The following TSPOAP1 variants were observed in gnomAD, a reference collection of about 807,000 sequenced individuals.
TSPOAP1 encodes peripheral-type benzodiazepine receptor-associated protein 1.
Under a neutral mutation model 197.0 loss-of-function variants are expected in TSPOAP1, and 87 were observed. That is an observed-to-expected ratio of 0.44 (90% CI 0.37 to 0.53). TSPOAP1 has a LOEUF of 0.53. Among genes scored for constraint, TSPOAP1 ranks in the 20% least tolerant of loss-of-function variants. The pLI, the probability that TSPOAP1 is intolerant of heterozygous loss-of-function variation, is 0.00. For synonymous variants in TSPOAP1, 913 were observed against 998.9 expected (o/e 0.91, Z 1.62); for missense variants, 2,174 against 2,411.3 (o/e 0.90, Z 2.06).
chr17:58,315,982 G>T, intron 16 of TSPOAP1, 41 bp downstream of exon 16: 5 of 1,468,510 alleles, frequency 3.4e-6, no homozygotes, highest in Non-Finnish European at 4.8e-6. Context: ...TGGGCTCAAA[G>T]GCAGGGGAAT....
rs1971438575 is a variant in TSPOAP1 at position 58,322,694 on chromosome 17, C to T, written c.1277G>A (p.Gly426Asp). 5.0e-6 allele frequency: 8 copies of T among 1,612,124 alleles called. No individual in the cohort carries two copies. The highest frequency in any genetic ancestry group is 6.8e-6 in the Non-Finnish European group (8 of 1,179,940). ...ERDSALRKSQ[G>D]LQSKLESLEQ... ...CAGGCTCTCCAGCTTGCTCTGCAGG[C>T]CCTGGCTCTTGCGAAGGGCTGAGTC... The change falls in exon 9 of 32, where the codon GGC (glycine) becomes GAC (aspartate). Residue 426 changes from glycine to aspartate, a missense_variant. Gly to Asp is a moderately conservative substitution (Grantham distance 94). Coordinates refer to ENST00000343736, the MANE Select transcript of TSPOAP1 (RefSeq NM_004758.4). This position sits in a 1 kb window ranked among gnomAD's most constrained non-coding sequence, Gnocchi z 5.0.
chr17:58,312,098 T>G lies in TSPOAP1; in HGVS notation c.2723A>C (p.Asn908Thr), dbSNP rs758611824. Residue 908 changes from asparagine (N) to threonine (T), a missense_variant, in exon 17 of 32, where the codon AAC becomes ACC. Physicochemically the swap from Asn to Thr is moderately conservative, Grantham distance 65. Coordinates refer to ENST00000343736, the MANE Select transcript of TSPOAP1 (RefSeq NM_004758.4). ...ATTGAGGTAGATGGCATGGGCCAAG[T>G]TGCTATTGCCGGGCACCCAGGTGAT... ...AEITWVPGNS[N>T]LAHAIYLNGE... 3 of 1,613,250 alleles carry G rather than the reference T, an allele frequency of 1.9e-6. No individual in the cohort carries two copies. Among genetic ancestry groups the G allele is most frequent in the Non-Finnish European group, 2.5e-6 (3 of 1,179,994 alleles).
chr17:58,305,636 AG>A lies in TSPOAP1; in HGVS notation c.5264del (p.Pro1755LeufsTer9). On this transcript the variant is annotated frameshift_variant, in exon 28 of 32. Coordinates refer to ENST00000343736, the MANE Select transcript of TSPOAP1 (RefSeq NM_004758.4). LOFTEE classifies it high-confidence loss of function. ...TCAGGTCAGCAGAGGGGACCAGCTT[AG>A]GGGGGCCTGCAGGGGGAGTAGGAGA... is the stretch of plus-strand genomic sequence containing the variant. ...EGPAQPCPGP[P>X]KLVPSADLKA... 2.6e-6 allele frequency: 4 copies of A among 1,526,760 alleles called. No homozygotes were observed. Among genetic ancestry groups the A allele is most frequent in the Non-Finnish European group, 2.7e-6 (3 of 1,131,194 alleles). The allele number at this position is 1,526,760 out of a possible 1,614,324, so 94.6% of individuals were successfully genotyped here.
Position 58,322,641 on chromosome 17 carries a change from A to G in TSPOAP1, c.1317+13T>C. On this transcript the variant is annotated intron_variant, in intron 9 of 31. Coordinates refer to ENST00000343736, the MANE Select transcript of TSPOAP1 (RefSeq NM_004758.4). The surrounding 1 kb of genome is among the most constrained non-coding windows in gnomAD (Gnocchi z 5.0). ...GGGCCCAGCACCCTCTCCCACCTGC[A>G]CCATCTCCTCACCTTCAGCACTTGC... 3 of 1,607,702 alleles carry G rather than the reference A, an allele frequency of 1.9e-6. No individual in the cohort carries two copies. Among genetic ancestry groups the G allele is most frequent in the Non-Finnish European group, 1.7e-6 (2 of 1,179,822 alleles).
chr17:58,305,627 G>C lies in TSPOAP1; in HGVS notation c.5274C>G (p.Val1758=). The C allele has an allele frequency of 1.9e-6, 3 of 1,546,586 alleles. No homozygotes were observed. Among genetic ancestry groups the C allele is most frequent in the Non-Finnish European group, 2.6e-6 (3 of 1,145,608 alleles). Reference sequence around the variant, plus strand: ...GGGGAGCTTTCAGGTCAGCAGAGGGGACCAGCTTAGGGGGGCCTGCAGGGG... The same window carrying C: ...GGGGAGCTTTCAGGTCAGCAGAGGGCACCAGCTTAGGGGGGCCTGCAGGGG... The part of the protein sequence containing the change: ...AQPCPGPPKL[V]PSADLKAPHS... The change falls in exon 28 of 32, where the codon GTC becomes GTG. Residue 1758 remains valine (V), a synonymous_variant. Coordinates refer to ENST00000343736, the MANE Select transcript of TSPOAP1 (RefSeq NM_004758.4).
chr17:58,315,890 GGGATGGAT>G (rs199737483), intron 16 of TSPOAP1, 125 bp downstream of exon 16: 306 of 682,674 alleles, frequency 4.5e-4, no homozygotes, highest in Non-Finnish European at 6.2e-4. Flanking sequence ...CTGGGCAGAG[GGGATGGAT>G]GGATGGATGG....
chr17:58,313,841 C>T (rs1971140305), intron 16 of TSPOAP1, among the ~76,000 whole-genome samples: 2 of 152,156 alleles, frequency 1.3e-5, no homozygotes, highest in African/African-American at 4.8e-5. Flanking sequence ...CTGTGTCTAG[C>T]AGCATGATTG....
At chr17:58,317,986 T>A (rs945123539) in intron 14 of TSPOAP1, among the ~76,000 whole-genome samples, 11 of 152,210 alleles carry the variant, frequency 7.2e-5, no homozygotes, top group African/African-American at 2.2e-4. Context: ...ATTATGCAGA[T>A]CCTGGTGCCC....
rs754142020 is a variant in TSPOAP1 at position 58,302,167 on chromosome 17, G to A, written c.*313C>T. 2.7e-6 allele frequency: 3 copies of A among 1,098,158 alleles called. No homozygotes were observed. Among genetic ancestry groups the A allele is most frequent in the South Asian group, 1.5e-5 (1 of 67,320 alleles). The allele number at this position is 1,098,158 out of a possible 1,614,324, so 68.0% of individuals were successfully genotyped here. Reference sequence around the variant, plus strand: ...TGAATGCCACAGTGTTAACGCAGAAGAACGGGGGCTCTGGGCCCAGTCTGA... The same window carrying A: ...TGAATGCCACAGTGTTAACGCAGAAAAACGGGGGCTCTGGGCCCAGTCTGA... On this transcript the variant is annotated 3_prime_UTR_variant, in exon 32 of 32. Coordinates refer to ENST00000343736, the MANE Select transcript of TSPOAP1 (RefSeq NM_004758.4).
Position 58,322,671 on chromosome 17 carries a change from G to A in TSPOAP1, c.1300C>T (p.Leu434=), listed in dbSNP as rs1971437644. ...SQGLQSKLES[L]EQVLKHMREV... is the part of the protein sequence containing the mutation. ...CTCCTCACCTTCAGCACTTGCTCCA[G>A]GCTCTCCAGCTTGCTCTGCAGGCCC... Residue 434 remains leucine (L), a synonymous_variant, in exon 9 of 32, where the codon CTG becomes TTG. Coordinates refer to ENST00000343736, the MANE Select transcript of TSPOAP1 (RefSeq NM_004758.4). This position sits in a 1 kb window ranked among gnomAD's most constrained non-coding sequence, Gnocchi z 5.0. 6.2e-7 allele frequency: 1 copy of A among 1,610,822 alleles called. No homozygotes were observed. Among genetic ancestry groups the A allele is most frequent in the Non-Finnish European group, 8.5e-7 (1 of 1,179,946 alleles).
intron 4 of TSPOAP1, 69 bp downstream of exon 4, chr17:58,325,465 G>T (rs1971556610): frequency 6.3e-7 from 1 of 1,582,286 alleles, no homozygotes; most frequent in Non-Finnish European, 8.6e-7. Flanking sequence ...CATCTTGTCT[G>T]CATCCCACAA....
intron 29 of TSPOAP1, 106 bp downstream of exon 29, chr17:58,305,281 G>A (rs758128452): frequency 1.3e-6 from 2 of 1,502,520 alleles, no homozygotes; most frequent in South Asian, 2.3e-5. Flanking sequence ...GTCCAGGGAG[G>A]TGACCCGTTC....
At position 58,308,867 on chromosome 17, in the gene TSPOAP1, G is replaced by A. The variant is rs778968481; in HGVS notation, c.4405C>T (p.Arg1469Trp). ...GAGCACCTCCGGGAAGGGCCCAGCC[G>A]GCCTCTCCCGCTAGCCTCTAGTCCA... is the stretch of plus-strand genomic sequence containing the variant. The part of the protein sequence containing the change: ...RTGLEASGRG[R>W]LGPSRRCSRG... Residue 1469 changes from arginine (R) to tryptophan (W), a missense_variant, in exon 22 of 32, where the codon CGG (arginine) becomes TGG (tryptophan). Coordinates refer to ENST00000343736, the MANE Select transcript of TSPOAP1 (RefSeq NM_004758.4). 1.5e-5 allele frequency: 24 copies of A among 1,605,818 alleles called. No individual in the cohort carries two copies. Among genetic ancestry groups the A allele is most frequent in the East Asian group, 4.5e-5 (2 of 44,798 alleles).
At chr17:58,308,468 G>T in intron 22 of TSPOAP1, 73 bp downstream of exon 22, 1 of 1,485,576 alleles carries the variant, frequency 6.7e-7, no homozygotes, top group Non-Finnish European at 8.9e-7. Flanking sequence ...AATGGGAGCT[G>T]CTGGTGGGCA....
At chr17:58,305,901 C>T (rs1389762630) in intron 26 of TSPOAP1, 36 bp from the exon 27 acceptor site, 1 of 1,607,260 alleles carries the variant, frequency 6.2e-7, no homozygotes, top group South Asian at 1.1e-5. Flanking sequence ...CCCCTCCCAC[C>T]CTGCCCACCC....
chr17:58,318,148 C>G, intron 14 of TSPOAP1, 132 bp downstream of exon 14: 1 of 1,149,914 alleles, frequency 8.7e-7, no homozygotes, highest in East Asian at 2.5e-5. Context: ...ATCCACAGGC[C>G]TCCCACCTCC....
rs757937664 is a variant in TSPOAP1 at position 58,325,680 on chromosome 17, A to G, written c.604T>C (p.Leu202=). The change falls in exon 4 of 32, where the codon TTG becomes CTG. Residue 202 remains leucine, a synonymous_variant. Transcript: ENST00000343736. ...SAPLPRPGTS[L]ELCRKALARQ... is the part of the protein sequence containing the mutation. ...GCTAGGGCCTTCCGACACAACTCCA[A>G]GCTGGTCCCCGGCCGGGGCAAGGGG... 6 of 1,612,266 alleles carry G rather than the reference A, an allele frequency of 3.7e-6. No individual in the cohort carries two copies. Among genetic ancestry groups the G allele is most frequent in the Admixed American group, 3.3e-5 (2 of 59,958 alleles).
chr17:58,318,953 G>A (rs1361063968), intron 13 of TSPOAP1, 137 bp downstream of exon 13: 3 of 1,001,406 alleles, frequency 3.0e-6, no homozygotes, highest in Non-Finnish European at 4.2e-6. Context: ...AACAGAACGT[G>A]GTTCTAGCCA....
intron 31 of TSPOAP1, chr17:58,302,945 G>A (rs1970761190): frequency 6.5e-6 from 1 of 152,680 alleles, no homozygotes; most frequent in Non-Finnish European, 1.5e-5. Context: ...GGCCCCCCCA[G>A]GCCTTCAGGG....
Sources: gnomAD v4.1 joint callset for allele counts (sites outside exome capture counted in the v4.1 genomes callset) on GRCh38, gnomAD v4.1.1 for gene constraint, Gnocchi (gnomAD v3.1) non-coding constraint, MANE v1.5 for transcripts, NCBI Gene and HGNC (gene_info 2026-07-23, HGNC 2026-07-21) for gene names.